Variants in CEP57L1 observed in about 807,000 individuals in gnomAD.
CEP57L1 encodes centrosomal protein CEP57L1.
Under a neutral mutation model 61.0 loss-of-function variants are expected in CEP57L1, and 37 were observed. The ratio of observed to expected loss-of-function variants is 0.61; its 90% CI spans 0.47 to 0.80. CEP57L1 has a LOEUF of 0.80. Ranked by LOEUF, CEP57L1 falls within the 30% of genes least tolerant of loss-of-function variation. CEP57L1 has a pLI of 0.00. For synonymous variants in CEP57L1, 137 were observed against 162.3 expected (o/e 0.84, Z 1.19); for missense variants, 422 against 524.7 (o/e 0.80, Z 1.91).
intron 1 of CEP57L1, among the ~76,000 whole-genome samples, chr6:109,135,447 A>C (rs1342037374): frequency 6.6e-6 from 1 of 152,248 alleles, no homozygotes; most frequent in Non-Finnish European, 1.5e-5. Context: ...GTTAGACCTA[A>C]AACCATAAAA....
In CEP57L1 at chr6:109,170,165, C is replaced by T. The variant is rs1228058742; in HGVS notation, c.*7195C>T. On this transcript the variant is annotated 3_prime_UTR_variant, in exon 11 of 11. Coordinates refer to ENST00000517392, the MANE Select transcript of CEP57L1 (RefSeq NM_001271852.3). ...ATAATAAGGCCACCAAATATAATCC[C>T]ATTGTAATGGGATTCTACCCACTTG... Among the ~76,000 whole-genome samples, 1 of 152,108 alleles carries T rather than the reference C, an allele frequency of 6.6e-6. No homozygotes were observed. Among genetic ancestry groups the T allele is most frequent in the Non-Finnish European group, 1.5e-5 (1 of 68,018 alleles).
intron 7 of CEP57L1, chr6:109,156,272 A>T (rs1222241648): frequency 1.3e-5 from 2 of 155,456 alleles, no homozygotes; most frequent in African/African-American, 4.8e-5. Flanking sequence ...GCAGTAAACA[A>T]CACAGTAGAT....
At chr6:109,133,138 G>A (rs1298974425) in intron 1 of CEP57L1, among the ~76,000 whole-genome samples, 1 of 152,106 alleles carries the variant, frequency 6.6e-6, no homozygotes, top group African/African-American at 2.4e-5. Context: ...ATATTTCTGA[G>A]TACCTTACTT....
rs573024481 is a variant in CEP57L1, at chr6:109,167,681, C to CAAAAAAAA, written c.*4715_*4722dup. Among the ~76,000 whole-genome samples, 1 of 127,144 alleles carries CAAAAAAAA rather than the reference C, an allele frequency of 7.9e-6. No individual in the cohort carries two copies. The highest frequency in any genetic ancestry group is 3.0e-5 in the African/African-American group (1 of 33,672). The allele number at this position is 127,144 out of a possible 152,430, so 83.4% of individuals were successfully genotyped here. A position where few individuals can be genotyped will look rare whatever the true frequency, so the allele number is the denominator to read the frequency against. Reference sequence around the variant, plus strand: ...AACAGAGCAAGACTCTGCCTCAAAGCAAAAAAAAAAAGAAAAGAAAAGAAA... The same window carrying CAAAAAAAA: ...AACAGAGCAAGACTCTGCCTCAAAGCAAAAAAAAAAAAAAAAAAAGAAAAGAAAAGAAA... On this transcript the variant is annotated 3_prime_UTR_variant, in exon 11 of 11. Coordinates refer to ENST00000517392, the MANE Select transcript of CEP57L1 (RefSeq NM_001271852.3).
Position 109,162,944 on chromosome 6 carries a change from A to G in CEP57L1, c.1357A>G (p.Arg453Gly), listed in dbSNP as rs780352419. ...TCATAATCTTCAAATGAAATTGAGA[A>G]GAGATGATATCATGTGGGAACAGTA... ...RVHNLQMKLR[R>G]DDIMWEQ Residue 453 changes from arginine to glycine, a missense_variant, in exon 11 of 11, where the codon AGA becomes GGA. Arg to Gly is a moderately radical substitution (Grantham distance 125). Coordinates refer to ENST00000517392, the MANE Select transcript of CEP57L1 (RefSeq NM_001271852.3). 1.9e-6 allele frequency: 3 copies of G among 1,612,044 alleles called. No homozygotes were observed. Among genetic ancestry groups the G allele is most frequent in the East Asian group, 4.5e-5 (2 of 44,730 alleles).
chr6:109,112,139 A>G (rs962343315), intron 1 of CEP57L1, among the ~76,000 whole-genome samples: 1 of 152,182 alleles, frequency 6.6e-6, no homozygotes, highest in African/African-American at 2.4e-5. Flanking sequence ...TTCGGCTGTG[A>G]ATCTCTCTGG....
Position 109,170,117 on chromosome 6 carries a change from G to T in CEP57L1, c.*7147G>T, listed in dbSNP as rs1243679710. Among the ~76,000 whole-genome samples the T allele has an allele frequency of 6.6e-6, 1 of 152,174 alleles. No homozygotes were observed. Among genetic ancestry groups the T allele is most frequent in the Non-Finnish European group, 1.5e-5 (1 of 68,018 alleles). ...CTGGACAATGGTCAGAAGGTAGGAA[G>T]AAGTGTTATAGGGTAATGAGCAATA... On this transcript the variant is annotated 3_prime_UTR_variant, in exon 11 of 11. Transcript: ENST00000517392.
chr6:109,114,729 A>G (rs1435941291), intron 1 of CEP57L1, among the ~76,000 whole-genome samples: 2 of 152,180 alleles, frequency 1.3e-5, no homozygotes, highest in Non-Finnish European at 2.9e-5. Context: ...GGACAGGGAA[A>G]GGGAAGATGC....
intron 1 of CEP57L1, among the ~76,000 whole-genome samples, chr6:109,108,607 A>AT (rs1042455708): frequency 2.1e-4 from 32 of 151,990 alleles, no homozygotes; most frequent in Admixed American, 1.6e-3. Flanking sequence ...TTGTGCTGTG[A>AT]TTTTTTTGGC....
At chr6:109,129,079 A>C (rs1316968229) in intron 1 of CEP57L1, among the ~76,000 whole-genome samples, 1 of 152,196 alleles carries the variant, frequency 6.6e-6, no homozygotes, top group East Asian at 1.9e-4. Flanking sequence ...GGGCGCCTGT[A>C]ATCCCAGCTA....
intron 9 of CEP57L1, 44 bp downstream of exon 9, chr6:109,159,506 G>A (rs200599992): frequency 7.0e-5 from 109 of 1,561,512 alleles, no homozygotes; most frequent in Non-Finnish European, 8.8e-5. Context: ...ACAGTGTCTC[G>A]CTATGTTGCC....
At chr6:109,097,322 T>C (rs936107797) in intron 1 of CEP57L1, among the ~76,000 whole-genome samples, 3 of 152,234 alleles carry the variant, frequency 2.0e-5, no homozygotes, top group African/African-American at 7.2e-5. Flanking sequence ...TTCTCCATTA[T>C]ATCTGCCAGA....
At chr6:109,162,007 T>C (rs912401679) in intron 10 of CEP57L1, among the ~76,000 whole-genome samples, 1 of 152,074 alleles carries the variant, frequency 6.6e-6, no homozygotes, top group African/African-American at 2.4e-5. Context: ...CTAGTTGATA[T>C]GTATTGTTTT....
chr6:109,105,834 C>T (rs947568547), intron 1 of CEP57L1, among the ~76,000 whole-genome samples: 1 of 152,144 alleles, frequency 6.6e-6, no homozygotes, highest in Non-Finnish European at 1.5e-5. Flanking sequence ...AACAGGTGAA[C>T]AAGTGAAGCT....
chr6:109,125,492 C>CTATATATATATATA (rs3081793), intron 1 of CEP57L1, among the ~76,000 whole-genome samples: 35 of 143,060 alleles, frequency 2.4e-4, no homozygotes, highest in African/African-American at 8.8e-4. Context: ...TTTTTAAATG[C>CTATATATATATATA]TATATATATA....
In CEP57L1 at chr6:109,133,818, C is replaced by T. The variant is rs141915429; in HGVS notation, c.-3-11401C>T. On this transcript the variant is annotated intron_variant, in intron 1 of 10. Coordinates refer to ENST00000517392, the MANE Select transcript of CEP57L1 (RefSeq NM_001271852.3). ...AATAAACTAGAAAATCTAGAAGAAA[C>T]GGACAAATTCCTCGACACATACACC... Among the ~76,000 whole-genome samples, 563 of 152,182 alleles carry T rather than the reference C, an allele frequency of 3.7e-3. 11 individuals are homozygous for T. The highest frequency in any genetic ancestry group is 1.4e-3 in the East Asian group (7 of 5,182).
chr6:109,163,068 C>A lies in CEP57L1; in HGVS notation c.*98C>A. The stretch of plus-strand genomic sequence containing the variant: ...AATATAACTTTGTGACATTTTGAAT[C>A]ATGTTTCTAGTTTCTATAAAACATG... On this transcript the variant is annotated 3_prime_UTR_variant, in exon 11 of 11. Transcript: ENST00000517392. The A allele has an allele frequency of 3.9e-6, 3 of 767,864 alleles. No individual in the cohort carries two copies. The highest frequency in any genetic ancestry group is 6.3e-6 in the Non-Finnish European group (3 of 475,734). 47.6% of individuals were successfully genotyped at this position (767,864 alleles called of 1,614,324 possible). A position where few individuals can be genotyped will look rare whatever the true frequency, so the allele number is the denominator to read the frequency against.
At chr6:109,104,685 C>T (rs1157239864) in intron 1 of CEP57L1, among the ~76,000 whole-genome samples, 1 of 152,110 alleles carries the variant, frequency 6.6e-6, no homozygotes, top group African/African-American at 2.4e-5. Flanking sequence ...CGGGCTCAAA[C>T]GATCCTCCCA....
At chr6:109,109,981 A>G (rs1771397626) in intron 1 of CEP57L1, among the ~76,000 whole-genome samples, 1 of 152,190 alleles carries the variant, frequency 6.6e-6, no homozygotes, top group Admixed American at 6.5e-5. Flanking sequence ...GCTATTGTGA[A>G]CAGTGCCGCA....
Sources: gnomAD v4.1 joint callset for allele counts (sites outside exome capture counted in the v4.1 genomes callset) on GRCh38, gnomAD v4.1.1 for gene constraint, MANE v1.5 for transcripts, NCBI Gene and HGNC (gene_info 2026-07-23, HGNC 2026-07-21) for gene names.